The following TCP11L1 variants were observed in gnomAD, a reference collection of about 807,000 sequenced individuals.
The protein encoded by TCP11L1 is T-complex protein 11-like protein 1.
A neutral mutation model predicts 48.9 loss-of-function variants in TCP11L1; 28 were observed. The ratio of observed to expected loss-of-function variants is 0.57; its 90% CI spans 0.42 to 0.78. The LOEUF is 0.78. Among genes scored for constraint, TCP11L1 ranks in the 30% least tolerant of loss-of-function variants. The pLI is 0.00. For synonymous variants in TCP11L1, 204 were observed against 231.9 expected (o/e 0.88, Z 1.09); for missense variants, 505 against 613.4 (o/e 0.82, Z 1.87).
rs1386838011 is a variant in TCP11L1 at position 33,057,159 on chromosome 11, A to G, written c.341A>G (p.Asp114Gly). 1.9e-6 allele frequency: 3 copies of G among 1,613,778 alleles called. No homozygotes were observed. The highest frequency in any genetic ancestry group is 1.7e-6 in the Non-Finnish European group (2 of 1,179,960). ...GAGATTGTACATAAAGCGTTTTGGG[A>G]TTGCTTGAGTGTGCAGCTAAGTGAA... ...VKEIVHKAFW[D>G]CLSVQLSEDP... Residue 114 changes from aspartate to glycine, a missense_variant, in exon 4 of 10, where the codon GAT becomes GGT. This residue lies in a region of TCP11L1 where 168 missense variants were observed against 183.5 expected (regional missense o/e 0.92). Transcript: ENST00000334274.
At chr11:33,072,375 C>T in intron 9 of TCP11L1, 99 bp from the exon 10 acceptor site, 2 of 1,276,580 alleles carry the variant, frequency 1.6e-6, no homozygotes. Context: ...TCGGGGACAA[C>T]TTCCCCTAAG....
intron 1 of TCP11L1, 64 bp from the exon 2 acceptor site, chr11:33,043,686 A>C (rs1853903839): frequency 1.4e-6 from 2 of 1,401,302 alleles, no homozygotes; most frequent in Admixed American, 4.6e-5. Flanking sequence ...CCTGAGTCAC[A>C]TTGCTAGTTG....
At chr11:33,047,374 G>A (rs535757728) in intron 2 of TCP11L1, among the ~76,000 whole-genome samples, 2 of 152,314 alleles carry the variant, frequency 1.3e-5, no homozygotes, top group East Asian at 3.9e-4. Context: ...TCAGTCAACT[G>A]TAACTTAACA....
At chr11:33,062,926 G>A (rs1253060591) in intron 7 of TCP11L1, among the ~76,000 whole-genome samples, 3 of 152,128 alleles carry the variant, frequency 2.0e-5, no homozygotes, top group African/African-American at 4.8e-5. Context: ...TAGGTGGTAC[G>A]ACAGCTCACT....
chr11:33,048,651 C>T (rs1179278537), intron 2 of TCP11L1, among the ~76,000 whole-genome samples: 1 of 152,128 alleles, frequency 6.6e-6, no homozygotes, highest in Non-Finnish European at 1.5e-5. Context: ...AAATTTTCTT[C>T]TTCCTAATGG....
At chr11:33,066,345 A>T (rs377317919) in intron 8 of TCP11L1, among the ~76,000 whole-genome samples, 52 of 152,276 alleles carry the variant, frequency 3.4e-4, no homozygotes, top group African/African-American at 1.3e-3. Flanking sequence ...CCATTGAAGG[A>T]TTTGAAGCAA....
chr11:33,062,193 G>GTT (rs2133733058), intron 7 of TCP11L1, among the ~76,000 whole-genome samples: 1 of 152,306 alleles, frequency 6.6e-6, no homozygotes, highest in South Asian at 2.1e-4. Context: ...ACAACTCAGT[G>GTT]TTTTCTAGTA....
rs1333315621 is a variant in TCP11L1 at position 33,057,917 on chromosome 11, A to G, written c.418-2A>G. ...ATTAAACGTAGCTGTGTTCTCTTGTAGACTCTCTTATCTTTCTTGCTGCCT... is the reference window on the plus strand; with the variant it reads ...ATTAAACGTAGCTGTGTTCTCTTGTGGACTCTCTTATCTTTCTTGCTGCCT... On this transcript the variant is annotated splice_acceptor_variant, in intron 4 of 9. Coordinates refer to ENST00000334274, the MANE Select transcript of TCP11L1 (RefSeq NM_018393.4). LOFTEE classifies it high-confidence loss of function. 1 of 1,610,564 alleles carries G rather than the reference A, an allele frequency of 6.2e-7. No homozygotes were observed. Among genetic ancestry groups the G allele is most frequent in the Non-Finnish European group, 8.5e-7 (1 of 1,179,076 alleles).
intron 8 of TCP11L1, 140 bp from the exon 9 acceptor site, chr11:33,068,547 G>A (rs1854685039): frequency 6.8e-6 from 7 of 1,027,234 alleles, no homozygotes; most frequent in South Asian, 4.6e-5. Flanking sequence ...AGGTAAGGTG[G>A]CAGGGAAAAG....
intron 9 of TCP11L1, among the ~76,000 whole-genome samples, chr11:33,070,748 A>G (rs1421239788): frequency 6.6e-6 from 1 of 151,446 alleles, no homozygotes; most frequent in African/African-American, 2.4e-5. Context: ...CATGCCTGTA[A>G]TCCCAGCATT....
chr11:33,042,566 A>G (rs182828357), intron 1 of TCP11L1, among the ~76,000 whole-genome samples: 4 of 152,258 alleles, frequency 2.6e-5, no homozygotes, highest in Admixed American at 6.5e-5. Flanking sequence ...CTTACTCACA[A>G]TCTTTTTCCT....
intron 2 of TCP11L1, among the ~76,000 whole-genome samples, chr11:33,051,520 C>T (rs549657242): frequency 6.6e-6 from 1 of 152,166 alleles, no homozygotes; most frequent in Non-Finnish European, 1.5e-5. Flanking sequence ...AACAAACAAA[C>T]AAAACTATCC....
chr11:33,054,638 C>G lies in TCP11L1; in HGVS notation c.209C>G (p.Ala70Gly), dbSNP rs1854258146. 1.2e-6 allele frequency: 2 copies of G among 1,613,752 alleles called. No individual in the cohort carries two copies. Among genetic ancestry groups the G allele is most frequent in the Non-Finnish European group, 1.7e-6 (2 of 1,179,840 alleles). Residue 70 changes from alanine (A) to glycine (G), a missense_variant, in exon 3 of 10, where the codon GCG becomes GGG. Around this residue, in one of 3 missense-constraint regions of TCP11L1, gnomAD observed 168 missense variants for 183.5 expected, o/e 0.92. Transcript: ENST00000334274. ...FVTVEELLET[A>G]RGVTNMALAH... Reference sequence around the variant, plus strand: ...ACAGTAGAAGAACTTCTAGAGACAGCGAGAGGTGTCACCAACATGGCTCTA... The same window carrying G: ...ACAGTAGAAGAACTTCTAGAGACAGGGAGAGGTGTCACCAACATGGCTCTA...
chr11:33,050,913 AAGCCATCTTCCCGTCTC>A (rs1400701232), intron 2 of TCP11L1, among the ~76,000 whole-genome samples: 2 of 151,692 alleles, frequency 1.3e-5, no homozygotes, highest in African/African-American at 2.4e-5. Context: ...TCCTGGGCTT[AAGCCATCTTCCCGTCTC>A]AGCCTCCTGA....
intron 6 of TCP11L1, among the ~76,000 whole-genome samples, chr11:33,061,277 C>A (rs1029315614): frequency 1.3e-5 from 2 of 152,144 alleles, no homozygotes; most frequent in African/African-American, 4.8e-5. Context: ...TTGTTTAATC[C>A]TCACAACAGC....
intron 7 of TCP11L1, 151 bp from the exon 8 acceptor site, chr11:33,065,678 GT>G (rs1485807743): frequency 2.4e-6 from 2 of 836,672 alleles, no homozygotes; most frequent in African/African-American, 3.4e-5. Flanking sequence ...AGATAGAGGG[GT>G]TATTTCACAC....
chr11:33,056,730 C>A, intron 3 of TCP11L1: 1 of 241,752 alleles, frequency 4.1e-6, no homozygotes, highest in South Asian at 4.3e-5. Context: ...AGGCGTAAGT[C>A]ACAACGCCCA....
chr11:33,044,122 G>T, intron 2 of TCP11L1, 186 bp downstream of exon 2: 3 of 527,168 alleles, frequency 5.7e-6, no homozygotes, highest in South Asian at 7.2e-5. Context: ...TCAATTGCAT[G>T]GGAAATTAAC....
At chr11:33,041,541 A>C (rs1853832223) in intron 1 of TCP11L1, among the ~76,000 whole-genome samples, 1 of 152,128 alleles carries the variant, frequency 6.6e-6, no homozygotes, top group African/African-American at 2.4e-5. Context: ...ACTAGAGGTC[A>C]GGAGTTCGAG....
Sources: gnomAD v4.1 joint callset for allele counts (sites outside exome capture counted in the v4.1 genomes callset) on GRCh38, gnomAD v4.1.1 for gene constraint, gnomAD v4.1.1 regional missense constraint, MANE v1.5 for transcripts, NCBI Gene and HGNC (gene_info 2026-07-23, HGNC 2026-07-21) for gene names.